The following ADGRB2 variants were observed in gnomAD, a reference collection of about 807,000 sequenced individuals.
ADGRB2 encodes adhesion G protein-coupled receptor B2.
Under a neutral mutation model 178.7 loss-of-function variants are expected in ADGRB2, and 47 were observed. The ratio of observed to expected loss-of-function variants is 0.26; its 90% confidence interval spans 0.21 to 0.34. ADGRB2 has a LOEUF of 0.34. ADGRB2 is among the 10% of genes least tolerant of loss of function. ADGRB2 has a pLI of 1.00. For synonymous variants in ADGRB2, 870 were observed against 912.4 expected (o/e 0.95, Z 0.84); for missense variants, 1,584 against 2,180.8 (o/e 0.73, Z 5.45).
chr1:31,744,450 C>CATCA lies in ADGRB2; in HGVS notation c.923-97_923-94dup, dbSNP rs1442653182. On this transcript the variant is annotated intron_variant, in intron 5 of 32. Transcript: ENST00000373658. The surrounding 1 kb of genome is among the most constrained non-coding windows in gnomAD (Gnocchi z 6.7). ...GGAGTGGCAGTAAGGTGGGGGCAGG[C>CATCA]ATCAGAGGGCTCCTCCTACCCTGAC... is the stretch of plus-strand genomic sequence containing the variant. The CATCA allele has an allele frequency of 3.2e-5, 48 of 1,498,904 alleles. No homozygotes were observed. The highest frequency in any genetic ancestry group is 4.2e-5 in the Non-Finnish European group (47 of 1,115,102). 92.9% of individuals were successfully genotyped at this position (1,498,904 alleles called of 1,614,324 possible).
chr1:31,763,708 G>T (rs1181013195), intron 1 of ADGRB2, among the ~76,000 whole-genome samples, 176 bp downstream of exon 1: 1 of 151,904 alleles, frequency 6.6e-6, no homozygotes, highest in East Asian at 1.9e-4. Flanking sequence ...CTAGGTTTGG[G>T]AGTTCCCCAG....
intron 4 of ADGRB2, among the ~76,000 whole-genome samples, chr1:31,747,987 T>C (rs762587011): frequency 6.6e-6 from 1 of 152,240 alleles, no homozygotes; most frequent in Non-Finnish European, 1.5e-5. Flanking sequence ...ATCCAGCTCC[T>C]GTGTGGGCTT....
intron 6 of ADGRB2, among the ~76,000 whole-genome samples, chr1:31,743,980 G>A (rs976615829): frequency 7.9e-5 from 12 of 152,194 alleles, no homozygotes; most frequent in African/African-American, 2.7e-4. Context: ...CCAGAACCGG[G>A]CCCAGTAGCA....
At position 31,740,955 on chromosome 1, in the gene ADGRB2, C is replaced by A. The variant is rs12044095; in HGVS notation, c.1795-414G>T. ...CTTTCTCTCTCTCACTCTCTCTCAA[C>A]ACAAGCTCTAAATGCATTCACACAA... On this transcript the variant is annotated intron_variant, in intron 11 of 32. Coordinates refer to ENST00000373658, the MANE Select transcript of ADGRB2 (RefSeq NM_001364857.2). The surrounding 1 kb of genome is among the most constrained non-coding windows in gnomAD (Gnocchi z 5.9). 0.071 allele frequency among the ~76,000 whole-genome samples: 10,665 copies of A among 149,788 alleles called. 597 individuals carry two copies. The highest frequency in any genetic ancestry group is 0.16 in the African/African-American group (6,369 of 40,852).
Position 31,744,194 on chromosome 1 carries a change from T to C in ADGRB2, c.1086A>G (p.Pro362=). Residue 362 remains proline (P), a splice_region_variant and synonymous_variant, in exon 6 of 33, where the codon CCA becomes CCG. Coordinates refer to ENST00000373658, the MANE Select transcript of ADGRB2 (RefSeq NM_001364857.2). The surrounding 1 kb of genome is among the most constrained non-coding windows in gnomAD (Gnocchi z 6.7). ...GGGTGGGGAGGAGGATGGGCCTACC[T>C]GGGCAGGTGGCTGAATTGTTGCAGG... ...TRPCNNSATC[P]VHGVWEEWGS... The C allele has an allele frequency of 6.5e-7, 1 of 1,529,870 alleles. No individual in the cohort carries two copies. The allele number at this position is 1,529,870 out of a possible 1,614,324, so 94.8% of individuals were successfully genotyped here.
chr1:31,744,765 A>G lies in ADGRB2; in HGVS notation c.839-34T>C. On this transcript the variant is annotated intron_variant, in intron 4 of 32. Coordinates refer to ENST00000373658, the MANE Select transcript of ADGRB2 (RefSeq NM_001364857.2). This position sits in a 1 kb window ranked among gnomAD's most constrained non-coding sequence, Gnocchi z 6.7. ...CGGAGGTGGTGGCAGGGGCTCAGCA[A>G]AGGCCAGCTAGGTTCTGTTACAGTG... 3 of 1,607,580 alleles carry G rather than the reference A, an allele frequency of 1.9e-6. No homozygotes were observed. The highest frequency in any genetic ancestry group is 2.6e-6 in the Non-Finnish European group (3 of 1,174,222).
Position 31,735,134 on chromosome 1 carries a change from A to C in ADGRB2, c.3452+49T>G. 7 of 888,070 alleles carry C rather than the reference A, an allele frequency of 7.9e-6. No homozygotes were observed. Among genetic ancestry groups the C allele is most frequent in the East Asian group, 3.4e-5 (1 of 29,368 alleles). 55.0% of individuals were successfully genotyped at this position (888,070 alleles called of 1,614,324 possible). ...CCCACCATGGGCACTGCCCCCCCCA[A>C]TTCCTTTGCCCCACCCACCCCCACC... On this transcript the variant is annotated intron_variant, in intron 25 of 32. Coordinates refer to ENST00000373658, the MANE Select transcript of ADGRB2 (RefSeq NM_001364857.2). The surrounding 1 kb of genome is among the most constrained non-coding windows in gnomAD (Gnocchi z 6.0).
At position 31,727,563 on chromosome 1, in the gene ADGRB2, G is replaced by A. The variant is rs544570941; in HGVS notation, c.4615C>T (p.Arg1539Trp). 7.1e-5 allele frequency: 111 copies of A among 1,574,094 alleles called. No individual in the cohort carries two copies. Among genetic ancestry groups the A allele is most frequent in the Middle Eastern group, 3.4e-4 (2 of 5,812 alleles). Residue 1539 changes from arginine to tryptophan, a missense_variant, in exon 33 of 33, where the codon CGG becomes TGG. Around this residue, in one of 3 missense-constraint regions of ADGRB2, gnomAD observed 865 missense variants for 1,192.8 expected, o/e 0.73. Transcript: ENST00000373658. The surrounding 1 kb of genome is among the most constrained non-coding windows in gnomAD (Gnocchi z 4.4). ...PGERPSLSQH[R>W]RHQSWSTFKS... ...AAGGTGCTCCAGCTCTGATGGCGCC[G>A]ATGTTGGGACAAGCTGGGGCGCTCC... is the stretch of plus-strand genomic sequence containing the variant.
Position 31,740,544 on chromosome 1 carries a change from G to A in ADGRB2, c.1795-3C>T. The A allele has an allele frequency of 1.3e-6, 2 of 1,595,018 alleles. No individual in the cohort carries two copies. The highest frequency in any genetic ancestry group is 1.1e-5 in the South Asian group (1 of 88,746). ...CCCTTGGCCAGGTGCTCCCTAAGCT[G>A]TAGGTGATGAGGGGGCCACAGTCAC... On this transcript the variant is annotated splice_region_variant and splice_polypyrimidine_tract_variant and intron_variant, in intron 11 of 32. Transcript: ENST00000373658. This position sits in a 1 kb window ranked among gnomAD's most constrained non-coding sequence, Gnocchi z 5.9.
At chr1:31,730,498 A>G (rs1645223761) in intron 29 of ADGRB2, among the ~76,000 whole-genome samples, 1 of 152,140 alleles carries the variant, frequency 6.6e-6, no homozygotes, top group South Asian at 2.1e-4. Context: ...AGGCTCACAC[A>G]TTGCCTGAGC....
At position 31,738,455 on chromosome 1, in the gene ADGRB2, C is replaced by A. The variant is rs574660731; in HGVS notation, c.2646-129G>T. 1.2e-4 allele frequency: 184 copies of A among 1,532,362 alleles called. No homozygotes were observed. In the South Asian group the frequency reaches 2.1e-3, roughly 17 times the overall value. 94.9% of individuals were successfully genotyped at this position (1,532,362 alleles called of 1,614,324 possible). ...TCCACGAGGCAACAGCAGGGAGTCCCAGGATACGTTCTTGACCCCTTAGGC... is the reference window on the plus strand; with the variant it reads ...TCCACGAGGCAACAGCAGGGAGTCCAAGGATACGTTCTTGACCCCTTAGGC... On this transcript the variant is annotated intron_variant, in intron 17 of 32. Transcript: ENST00000373658.
intron 7 of ADGRB2, 66 bp downstream of exon 7, chr1:31,742,772 C>T: frequency 1.5e-6 from 2 of 1,370,320 alleles, no homozygotes; most frequent in Non-Finnish European, 1.9e-6. Context: ...TGACTGCCTC[C>T]CCAGGTCTCC....
chr1:31,735,567 G>GC lies in ADGRB2; in HGVS notation c.3353+12dup, dbSNP rs759961385. 2.9e-4 allele frequency: 471 copies of GC among 1,610,836 alleles called. No individual in the cohort carries two copies. The highest frequency in any genetic ancestry group is 3.0e-4 in the Admixed American group (18 of 59,922). On this transcript the variant is annotated intron_variant, in intron 24 of 32. Coordinates refer to ENST00000373658, the MANE Select transcript of ADGRB2 (RefSeq NM_001364857.2). The surrounding 1 kb of genome is among the most constrained non-coding windows in gnomAD (Gnocchi z 6.0). ...TTTCCAGAAAGGCCAAGTCTCAGAG[G>GC]CCCCCCCCTTACCCGGCCCTCTGCT...
At position 31,753,762 on chromosome 1, in the gene ADGRB2, G is replaced by A. The variant is rs1331920470; in HGVS notation, c.838+2237C>T. 6.6e-6 allele frequency among the ~76,000 whole-genome samples: 1 copy of A among 152,200 alleles called. No individual in the cohort carries two copies. The highest frequency in any genetic ancestry group is 2.4e-5 in the African/African-American group (1 of 41,450). ...ACCCTCAGACATGCCCTGACATGTG[G>A]AACAAACAGTCATGTGCCCGCTATG... On this transcript the variant is annotated intron_variant, in intron 4 of 32. Coordinates refer to ENST00000373658, the MANE Select transcript of ADGRB2 (RefSeq NM_001364857.2). This position sits in a 1 kb window ranked among gnomAD's most constrained non-coding sequence, Gnocchi z 4.1.
rs761421170 is a variant in ADGRB2 at position 31,756,144 on chromosome 1, G to A, written c.693C>T (p.Ala231=). ...PGCSCPGEAG[A]GSTTTTSPGP... ...CTGGAGATGTGGTGGTGGTGGAGCC[G>A]GCCCCCGCCTCTCCAGGGCAGCTGC... Residue 231 remains alanine (A), a synonymous_variant, in exon 4 of 33, where the codon GCC becomes GCT. Transcript: ENST00000373658. This position sits in a 1 kb window ranked among gnomAD's most constrained non-coding sequence, Gnocchi z 8.5. 58 of 1,612,748 alleles carry A rather than the reference G, an allele frequency of 3.6e-5. No homozygotes were observed. In the East Asian group the frequency reaches 8.7e-4, roughly 24 times the overall value.
In ADGRB2 at chr1:31,761,712, T is replaced by C. The variant is rs1647046568; in HGVS notation, c.-191+2172A>G. Among the ~76,000 whole-genome samples, 1 of 152,104 alleles carries C rather than the reference T, an allele frequency of 6.6e-6. No individual in the cohort carries two copies. The highest frequency in any genetic ancestry group is 2.1e-4 in the South Asian group (1 of 4,826). ...AAGTGGAGACTGGGGGCTAAAGGTG[T>C]TTCTGTCTTTATTATACTGGGGGTT... On this transcript the variant is annotated intron_variant, in intron 1 of 32. Transcript: ENST00000373658. This position sits in a 1 kb window ranked among gnomAD's most constrained non-coding sequence, Gnocchi z 4.2.
At position 31,756,566 on chromosome 1, in the gene ADGRB2, C is replaced by A; in HGVS notation, c.271G>T (p.Ala91Ser). The A allele has an allele frequency of 6.2e-7, 1 of 1,612,090 alleles. No individual in the cohort carries two copies. The highest frequency in any genetic ancestry group is 1.3e-5 in the African/African-American group (1 of 75,026). Residue 91 changes from alanine to serine, a missense_variant, in exon 4 of 33, where the codon GCA becomes TCA. This residue lies in a region of ADGRB2 where 657 missense variants were observed against 847.6 expected (regional missense o/e 0.78). Coordinates refer to ENST00000373658, the MANE Select transcript of ADGRB2 (RefSeq NM_001364857.2). This position sits in a 1 kb window ranked among gnomAD's most constrained non-coding sequence, Gnocchi z 8.5. ...LRFNRQEQVC[A>S]HFAPRLLPLD... Reference sequence around the variant, plus strand: ...GGCAGCAGGCGGGGGGCAAAGTGTGCGCACACCTGCTCCTGGCGGTTGAAG... The same window carrying A: ...GGCAGCAGGCGGGGGGCAAAGTGTGAGCACACCTGCTCCTGGCGGTTGAAG...
chr1:31,735,506 C>T lies in ADGRB2; in HGVS notation c.3353+74G>A. ...CCGGTCGCATCATCGAGCCCTGAGT[C>T]TCCAAGAGCACCCATGTCCCTCCCT... On this transcript the variant is annotated intron_variant, in intron 24 of 32. Transcript: ENST00000373658. The surrounding 1 kb of genome is among the most constrained non-coding windows in gnomAD (Gnocchi z 6.0). 6.5e-7 allele frequency: 1 copy of T among 1,548,302 alleles called. No homozygotes were observed. Among genetic ancestry groups the T allele is most frequent in the Non-Finnish European group, 8.9e-7 (1 of 1,127,844 alleles).
Position 31,737,847 on chromosome 1 carries a change from C to G in ADGRB2, c.2773-92G>C, listed in dbSNP as rs1032708702. On this transcript the variant is annotated intron_variant, in intron 18 of 32. Transcript: ENST00000373658. ...CCTCATCTACCATAGACTGGCATAC[C>G]CACAGGCAGAAGGGCAACACCTTCT... The G allele has an allele frequency of 5.9e-6, 7 of 1,190,114 alleles. No individual in the cohort carries two copies. The African/African-American group carries it at 9.0e-5, about 15-fold the overall frequency. 73.7% of individuals were successfully genotyped at this position (1,190,114 alleles called of 1,614,324 possible).
Sources: gnomAD v4.1 joint callset for allele counts (sites outside exome capture counted in the v4.1 genomes callset) on GRCh38, gnomAD v4.1.1 for gene constraint, gnomAD v4.1.1 regional missense constraint, Gnocchi (gnomAD v3.1) non-coding constraint, MANE v1.5 for transcripts, NCBI Gene and HGNC (gene_info 2026-07-23, HGNC 2026-07-21) for gene names.